Variants in C21orf58 observed in about 807,000 individuals in gnomAD.
C21orf58 encodes uncharacterized protein C21orf58.
A neutral mutation model predicts 35.8 loss-of-function variants in C21orf58; 34 were observed. That is an observed-to-expected ratio of 0.95 (90% confidence interval 0.72 to 1.26). The LOEUF (loss-of-function observed/expected upper bound fraction) is 1.26, where lower values mean the gene tolerates loss of function less well. Ranked by LOEUF, C21orf58 falls within the 50% of genes most tolerant of loss-of-function variation. The pLI is 0.00. For synonymous variants in C21orf58, 191 were observed against 175.8 expected, an observed-to-expected ratio of 1.09 and a Z score of -0.68; for missense variants, 440 against 414.3, an observed-to-expected ratio of 1.06 and a Z score of -0.54.
rs747775426 is a variant in C21orf58, at chr21:46,322,683, C to T, written c.56G>A (p.Arg19His). Residue 19 changes from arginine (R) to histidine (H), a missense_variant, in exon 1 of 8, where the codon CGC (arginine) becomes CAC (histidine). Coordinates refer to ENST00000291691, the MANE Select transcript of C21orf58 (RefSeq NM_058180.5). The part of the protein sequence containing the change: ...TSLRKPWKLD[R>H]QKLPSPDSGH... The stretch of plus-strand genomic sequence containing the variant: ...TGAGTCAGGAGAAGGAAGTTTCTGG[C>T]GGTCGAGCTTCCACGGCTTCCTGAG... 1.4e-5 allele frequency: 22 copies of T among 1,586,250 alleles called. 1 individual carries two copies. The South Asian group carries it at 2.5e-4, about 18-fold the overall frequency.
intron 5 of C21orf58, among the ~76,000 whole-genome samples, chr21:46,313,470 A>C (rs1248401564): frequency 1.3e-5 from 2 of 152,202 alleles, no homozygotes; most frequent in Non-Finnish European, 2.9e-5. Flanking sequence ...TCCAGCTGCC[A>C]GGAAGCTCAT....
At chr21:46,320,824 TTC>T (rs1225706882) in intron 1 of C21orf58, 3 of 152,202 alleles carry the variant, frequency 2.0e-5, no homozygotes, top group Non-Finnish European at 2.9e-5. Flanking sequence ...CCTCTCCTCT[TTC>T]TCTTGATGTG....
chr21:46,302,574 T>C lies in C21orf58; in HGVS notation c.724A>G (p.Met242Val). 5 of 1,610,534 alleles carry C rather than the reference T, an allele frequency of 3.1e-6. No individual in the cohort carries two copies. The highest frequency in any genetic ancestry group is 1.3e-5 in the African/African-American group (1 of 74,960). ...TTCTGCAGCAGCAGCAGCTCCACCA[T>C]GTCTGCAGGGAAGAAGCAGGGGGAC... is the stretch of plus-strand genomic sequence containing the variant. Reference protein sequence around the residue: ...TQRSGSIKEDMVELLLLQNAQ... With the variant: ...TQRSGSIKEDVVELLLLQNAQ... The change falls in exon 7 of 8, where the codon ATG (methionine) becomes GTG (valine). Residue 242 changes from methionine (M) to valine (V), a missense_variant and splice_region_variant. Met to Val is a conservative substitution (Grantham distance 21). Transcript: ENST00000291691.
chr21:46,301,947 G>GA lies in C21orf58; in HGVS notation c.*51dup. 6.9e-7 allele frequency: 1 copy of GA among 1,458,936 alleles called. No individual in the cohort carries two copies. The highest frequency in any genetic ancestry group is 1.4e-5 in the South Asian group (1 of 72,192). The allele number at this position is 1,458,936 out of a possible 1,614,324, so 90.4% of individuals were successfully genotyped here. A position where few individuals can be genotyped will look rare whatever the true frequency, so the allele number is the denominator to read the frequency against. On this transcript the variant is annotated 3_prime_UTR_variant, in exon 8 of 8. Coordinates refer to ENST00000291691, the MANE Select transcript of C21orf58 (RefSeq NM_058180.5). ...TAGTCCCGCCACAGCCCACAGCCCT[G>GA]AGGAAGCCTGGGGGTGGAGGGTGCC... is the stretch of plus-strand genomic sequence containing the variant.
chr21:46,315,662 A>T (rs1569134269), intron 3 of C21orf58, 115 bp from the exon 4 acceptor site: 3 of 712,790 alleles, frequency 4.2e-6, no homozygotes, highest in Non-Finnish European at 7.7e-6. Flanking sequence ...CCACACTCCC[A>T]GGATGGGGGA....
downstream of C21orf58, chr21:46,300,622 T>C: frequency 8.3e-7 from 1 of 1,207,980 alleles, no homozygotes; most frequent in Non-Finnish European, 1.1e-6. Flanking sequence ...GCTGGGCCCT[T>C]CGGTGTTCAC....
Position 46,322,825 on chromosome 21 carries a change from G to A in C21orf58, c.-87C>T, listed in dbSNP as rs1043259592. On this transcript the variant is annotated 5_prime_UTR_variant, in exon 1 of 8. It adds an upstream start codon to the 5' untranslated region. Coordinates refer to ENST00000291691, the MANE Select transcript of C21orf58 (RefSeq NM_058180.5). ...AGATTCCAGGGCTTCCTGAGGGCGC[G>A]TTTAAGTTGCAGTTGCTGAGGAGGC... 3.2e-6 allele frequency: 3 copies of A among 929,572 alleles called. No homozygotes were observed. The highest frequency in any genetic ancestry group is 4.5e-6 in the Non-Finnish European group (3 of 672,988). 57.6% of individuals were successfully genotyped at this position (929,572 alleles called of 1,614,324 possible).
intron 3 of C21orf58, among the ~76,000 whole-genome samples, chr21:46,316,886 G>C (rs931216729): frequency 1.3e-5 from 2 of 152,194 alleles, no homozygotes; most frequent in Non-Finnish European, 2.9e-5. Flanking sequence ...GACAAGCTCA[G>C]GGTCTGGAAC....
rs546695026 is a variant in C21orf58 at position 46,320,440 on chromosome 21, C to T, written c.100+2199G>A. Among the ~76,000 whole-genome samples, 26 of 136,316 alleles carry T rather than the reference C, an allele frequency of 1.9e-4. No homozygotes were observed. In the South Asian group the frequency reaches 6.1e-3, roughly 32 times the overall value. 89.4% of individuals were successfully genotyped at this position (136,316 alleles called of 152,430 possible). A position where few individuals can be genotyped will look rare whatever the true frequency, so the allele number is the denominator to read the frequency against. On this transcript the variant is annotated intron_variant, in intron 1 of 7. Transcript: ENST00000291691. Reference sequence around the variant, plus strand: ...AAATTATAAGATAGGGCCAGGCAGGCGGAAGTTGCAGTGAGCCAAGGTGGC... The same window carrying T: ...AAATTATAAGATAGGGCCAGGCAGGTGGAAGTTGCAGTGAGCCAAGGTGGC...
rs1264040082 is a variant in C21orf58, at chr21:46,322,708, G to A, written c.31C>T (p.Leu11Phe). MARSRLPATS[L>F]RKPWKLDRQK... is the part of the protein sequence containing the mutation. ...CGGTCGAGCTTCCACGGCTTCCTGA[G>A]GGAGGTTGCAGGGAGCCGAGATCGC... The change falls in exon 1 of 8, where the codon CTC (leucine) becomes TTC (phenylalanine). Residue 11 changes from leucine (L) to phenylalanine (F), a missense_variant. Coordinates refer to ENST00000291691, the MANE Select transcript of C21orf58 (RefSeq NM_058180.5). 19 of 1,571,378 alleles carry A rather than the reference G, an allele frequency of 1.2e-5. No individual in the cohort carries two copies. The highest frequency in any genetic ancestry group is 4.7e-5 in the East Asian group (2 of 42,306).
In C21orf58 at chr21:46,318,000, G is replaced by A; in HGVS notation, c.309+12C>T. On this transcript the variant is annotated intron_variant, in intron 2 of 7. Transcript: ENST00000291691. ...GTTGTTAAAAACAGGAGCATCCCGG[G>A]CTCTGCCTCACCTGTCCCAAGAGCT... 2 of 1,612,796 alleles carry A rather than the reference G, an allele frequency of 1.2e-6. No homozygotes were observed. The highest frequency in any genetic ancestry group is 1.7e-6 in the Non-Finnish European group (2 of 1,179,690).
chr21:46,316,607 C>G (rs2082985996), intron 3 of C21orf58, among the ~76,000 whole-genome samples: 1 of 152,242 alleles, frequency 6.6e-6, no homozygotes, highest in Admixed American at 6.5e-5. Flanking sequence ...CCGTTGGGAA[C>G]CCTAGCCAGC....
intron 1 of C21orf58, chr21:46,318,925 C>G (rs565753983): frequency 5.7e-4 from 521 of 911,382 alleles, no homozygotes; most frequent in Non-Finnish European, 6.7e-4. Flanking sequence ...AGCAGGCAGA[C>G]TGACATGTGG....
At chr21:46,308,599 G>GA (rs2082532034) in intron 6 of C21orf58, among the ~76,000 whole-genome samples, 1 of 152,206 alleles carries the variant, frequency 6.6e-6, no homozygotes, top group Admixed American at 6.5e-5. Context: ...GCGAAAACAA[G>GA]AAGCAACCCA....
chr21:46,321,164 T>TTA (rs200340794), intron 1 of C21orf58, among the ~76,000 whole-genome samples: 15 of 139,186 alleles, frequency 1.1e-4, no homozygotes, highest in African/African-American at 2.5e-4. Context: ...GCTACATATG[T>TTA]TATATATATA....
chr21:46,320,250 A>T (rs2083110325), intron 1 of C21orf58, among the ~76,000 whole-genome samples: 1 of 151,874 alleles, frequency 6.6e-6, no homozygotes, highest in Non-Finnish European at 1.5e-5. Flanking sequence ...GTACAGGTGC[A>T]CGCCACCACG....
rs567375370 is a variant in C21orf58 at position 46,301,702 on chromosome 21, G to T, written c.*297C>A. 3 of 1,165,228 alleles carry T rather than the reference G, an allele frequency of 2.6e-6. No homozygotes were observed. Among genetic ancestry groups the T allele is most frequent in the Non-Finnish European group, 3.2e-6 (3 of 945,472 alleles). 72.2% of individuals were successfully genotyped at this position (1,165,228 alleles called of 1,614,324 possible). ...AGGGGGATCTGAGGCTCCCAGGTGG[G>T]CCGGCGCCGCCCTACAGGAAAGGAG... On this transcript the variant is annotated 3_prime_UTR_variant, in exon 8 of 8. Coordinates refer to ENST00000291691, the MANE Select transcript of C21orf58 (RefSeq NM_058180.5).
At chr21:46,300,611 C>T (rs927661300), downstream of C21orf58, 20 of 1,192,306 alleles carry the variant, frequency 1.7e-5, no homozygotes, top group South Asian at 7.8e-5. Flanking sequence ...CCAGTAGCTG[C>T]GCTGGGCCCT....
At position 46,322,643 on chromosome 21, in the gene C21orf58, C is replaced by G. The variant is rs765562849; in HGVS notation, c.96G>C (p.Leu32=). Residue 32 remains leucine (L), a synonymous_variant, in exon 1 of 8, where the codon CTG becomes CTC. Transcript: ENST00000291691. The part of the protein sequence containing the change: ...LPSPDSGHSL[L]CGWSPGGKAR... ...ACCGCTGGACACCCCGCTCACCACA[C>G]AGAAGACTGTGGCCTGAGTCAGGAG... The G allele has an allele frequency of 6.3e-7, 1 of 1,578,526 alleles. No individual in the cohort carries two copies. Among genetic ancestry groups the G allele is most frequent in the Non-Finnish European group, 8.6e-7 (1 of 1,162,228 alleles).
Sources: gnomAD v4.1 joint callset for allele counts (sites outside exome capture counted in the v4.1 genomes callset) on GRCh38, gnomAD v4.1.1 for gene constraint, MANE v1.5 for transcripts, NCBI Gene and HGNC (gene_info 2026-07-23, HGNC 2026-07-21) for gene names.